The following SUSD6 variants were observed in gnomAD, a reference collection of about 807,000 sequenced individuals.
The protein encoded by SUSD6 is sushi domain containing 6.
In SUSD6, 16 loss-of-function variants were observed where a neutral mutation model predicts 28.4. That is an observed-to-expected ratio of 0.56 (90% confidence interval 0.38 to 0.86). The LOEUF (loss-of-function observed/expected upper bound fraction) is 0.86. Ranked by LOEUF, SUSD6 falls within the 40% of genes least tolerant of loss-of-function variation. The pLI, the probability that SUSD6 is intolerant of heterozygous loss-of-function variation, is 0.00. For synonymous variants in SUSD6, 147 were observed against 159.6 expected (o/e 0.92, Z 0.59); for missense variants, 341 against 384.2 (o/e 0.89, Z 0.94).
chr14:69,657,578 G>A (rs764392718), intron 1 of SUSD6, among the ~76,000 whole-genome samples: 3 of 151,868 alleles, frequency 2.0e-5, no homozygotes, highest in South Asian at 2.1e-4. Context: ...TGGAGAAGGG[G>A]GTGTGTGTGT....
At chr14:69,692,492 CA>C (rs1226608902) in intron 2 of SUSD6, among the ~76,000 whole-genome samples, 2 of 152,268 alleles carry the variant, frequency 1.3e-5, no homozygotes, top group East Asian at 3.9e-4. Flanking sequence ...TTTTTCTGAA[CA>C]AATCAAGTTT....
At chr14:69,662,319 GTCA>G (rs545779954) in intron 2 of SUSD6, among the ~76,000 whole-genome samples, 41 of 152,264 alleles carry the variant, frequency 2.7e-4, no homozygotes, top group African/African-American at 9.9e-4. Flanking sequence ...AGATACCACA[GTCA>G]TCATAATCTG....
At chr14:69,709,745 A>G (rs890092973) in intron 5 of SUSD6, among the ~76,000 whole-genome samples, 1 of 152,236 alleles carries the variant, frequency 6.6e-6, no homozygotes, top group Non-Finnish European at 1.5e-5. Flanking sequence ...AAACAATCAT[A>G]GAATGAAATT....
intron 2 of SUSD6, among the ~76,000 whole-genome samples, chr14:69,659,837 T>C (rs1252748106): frequency 6.6e-6 from 1 of 152,206 alleles, no homozygotes; most frequent in Non-Finnish European, 1.5e-5. Context: ...TTTTTGAGTT[T>C]GTACAGCCCT....
chr14:69,650,331 T>C (rs1189490460), intron 1 of SUSD6, among the ~76,000 whole-genome samples: 1 of 152,172 alleles, frequency 6.6e-6, no homozygotes, highest in African/African-American at 2.4e-5. Flanking sequence ...TTAATTTCAC[T>C]GCACAGCAAC....
intron 1 of SUSD6, among the ~76,000 whole-genome samples, chr14:69,623,965 T>A (rs1257914992): frequency 6.6e-6 from 1 of 151,980 alleles, no homozygotes; most frequent in African/African-American, 2.4e-5. Flanking sequence ...GAAGAAAAAA[T>A]TTTAAAAAAT....
intron 2 of SUSD6, among the ~76,000 whole-genome samples, chr14:69,684,254 A>G (rs1886039547): frequency 6.6e-6 from 1 of 152,184 alleles, no homozygotes; most frequent in Non-Finnish European, 1.5e-5. Context: ...GGTTTCCTGA[A>G]ACCTTTGCTG....
At chr14:69,710,815 C>T in intron 5 of SUSD6, 139 bp from the exon 6 acceptor site, 1 of 784,648 alleles carries the variant, frequency 1.3e-6, no homozygotes, top group African/African-American at 1.7e-5. Flanking sequence ...TTTTGCCTAC[C>T]TAGAAGTGTA....
At chr14:69,709,336 CTG>C (rs1420062419) in intron 5 of SUSD6, among the ~76,000 whole-genome samples, 8 of 152,116 alleles carry the variant, frequency 5.3e-5, no homozygotes, top group African/African-American at 1.9e-4. Flanking sequence ...TTTGGAGTCT[CTG>C]AGGCCATTCA....
intron 2 of SUSD6, among the ~76,000 whole-genome samples, chr14:69,662,459 C>CTACA (rs561081049): frequency 6.4e-4 from 98 of 152,302 alleles, no homozygotes; most frequent in African/African-American, 2.3e-3. Flanking sequence ...TTTCTCTCAT[C>CTACA]TACAGCTCGA....
intron 2 of SUSD6, among the ~76,000 whole-genome samples, chr14:69,668,254 C>T (rs6573897): frequency 0.71 from 107,643 of 152,078 alleles, 39,744 homozygotes; most frequent in South Asian, 0.83. Context: ...TAGAAGAGTA[C>T]GTTGCAGAGT....
intron 1 of SUSD6, among the ~76,000 whole-genome samples, chr14:69,655,273 G>A (rs760810190): frequency 1.3e-5 from 2 of 151,894 alleles, no homozygotes; most frequent in African/African-American, 2.4e-5. Flanking sequence ...ACCTCTGTAC[G>A]GTATTCCATT....
intron 2 of SUSD6, among the ~76,000 whole-genome samples, chr14:69,674,227 T>C (rs907855736): frequency 6.6e-6 from 1 of 152,226 alleles, no homozygotes; most frequent in Non-Finnish European, 1.5e-5. Flanking sequence ...TCAGCTCTGG[T>C]TTCCAGGGTG....
In SUSD6 at chr14:69,622,890, G is replaced by A. The variant is rs533181718; in HGVS notation, c.-81+11062G>A. On this transcript the variant is annotated intron_variant, in intron 1 of 5. Coordinates refer to ENST00000342745, the MANE Select transcript of SUSD6 (RefSeq NM_014734.4). The stretch of plus-strand genomic sequence containing the variant: ...ATTGCAGGCGTGAGCCACAGCGTCC[G>A]GCCAAACTGCTTTCATGTAAGATAT... Among the ~76,000 whole-genome samples the A allele has an allele frequency of 6.6e-4, 100 of 152,298 alleles. 2 individuals are homozygous for A. In the South Asian group the frequency reaches 0.019, roughly 30 times the overall value.
chr14:69,639,313 CAAAAAAAAAAAAAA>C (rs57837741), intron 1 of SUSD6, among the ~76,000 whole-genome samples: 4 of 54,604 alleles, frequency 7.3e-5, no homozygotes, highest in East Asian at 1.4e-3. Flanking sequence ...GACTCCGTCT[CAAAAAAAAAAAAAA>C]AAAAAAAAAA....
At chr14:69,693,723 T>C (rs1886184446) in intron 2 of SUSD6, among the ~76,000 whole-genome samples, 1 of 152,190 alleles carries the variant, frequency 6.6e-6, no homozygotes, top group African/African-American at 2.4e-5. Flanking sequence ...GAGCTGGATA[T>C]TGGCTGCTAA....
intron 1 of SUSD6, among the ~76,000 whole-genome samples, chr14:69,628,307 C>T (rs1885145059): frequency 6.6e-6 from 1 of 152,166 alleles, no homozygotes; most frequent in Non-Finnish European, 1.5e-5. Context: ...TTTGTGGTGG[C>T]AAAGTACAAA....
chr14:69,704,071 C>T (rs1258918008), intron 3 of SUSD6, among the ~76,000 whole-genome samples: 3 of 152,194 alleles, frequency 2.0e-5, no homozygotes, highest in Admixed American at 6.5e-5. Context: ...TTGTGCTTCC[C>T]ACTCAGGCTT....
intron 2 of SUSD6, among the ~76,000 whole-genome samples, chr14:69,662,789 A>G (rs1348590440): frequency 2.0e-5 from 3 of 152,234 alleles, no homozygotes; most frequent in Admixed American, 6.5e-5. Context: ...CCTGAGGCAA[A>G]TCACATGACC....
Sources: gnomAD v4.1 joint callset for allele counts (sites outside exome capture counted in the v4.1 genomes callset) on GRCh38, gnomAD v4.1.1 for gene constraint, MANE v1.5 for transcripts, NCBI Gene and HGNC (gene_info 2026-07-23, HGNC 2026-07-21) for gene names.